The following BORCS5 variants were observed in gnomAD, a reference collection of about 807,000 sequenced individuals.
BORCS5 encodes the protein BLOC-1-related complex subunit 5.
A neutral mutation model predicts 22.1 loss-of-function variants in BORCS5; 17 were observed. That is an observed-to-expected ratio of 0.77 (90% CI 0.53 to 1.15). The LOEUF is 1.15. Among genes scored for constraint, BORCS5 ranks in the 50% most tolerant of loss-of-function variants. The pLI, the probability that BORCS5 is intolerant of heterozygous loss-of-function variation, is 0.00. For missense variants in BORCS5, 247 were observed against 253.2 expected (o/e 0.98, Z 0.17); for synonymous variants, 117 against 99.8 (o/e 1.17, Z -1.03).
intron 2 of BORCS5, among the ~76,000 whole-genome samples, chr12:12,423,781 C>G (rs1565898958): frequency 6.6e-6 from 1 of 152,102 alleles, no homozygotes; most frequent in Non-Finnish European, 1.5e-5. Context: ...CTCTGCATCC[C>G]AGGCTCAGAT....
chr12:12,414,264 A>C (rs1340736771), intron 2 of BORCS5, among the ~76,000 whole-genome samples: 1 of 48,548 alleles, frequency 2.1e-5, no homozygotes, highest in Non-Finnish European at 4.0e-5. Context: ...GGGGCTCCTC[A>C]CTTCCCAGTA....
intron 2 of BORCS5, among the ~76,000 whole-genome samples, chr12:12,403,800 A>G (rs1468109259): frequency 6.6e-6 from 1 of 152,202 alleles, no homozygotes; most frequent in African/African-American, 2.4e-5. Flanking sequence ...TGCCCTGGTC[A>G]GAGAACCAAG....
intron 2 of BORCS5, among the ~76,000 whole-genome samples, chr12:12,388,949 G>A (rs1863940890): frequency 6.6e-6 from 1 of 150,946 alleles, no homozygotes; most frequent in Admixed American, 6.6e-5. Context: ...ACAGTTCCGA[G>A]GCCTATTTAT....
chr12:12,405,525 T>G lies in BORCS5; in HGVS notation c.203-30103T>G, dbSNP rs564714778. 3.9e-5 allele frequency among the ~76,000 whole-genome samples: 6 copies of G among 152,348 alleles called. No homozygotes were observed. The South Asian group carries it at 1.2e-3, about 32-fold the overall frequency. ...TGATGATTATTTTTACTTTACTTAC[T>G]TAGTATAGGGGATTACCTGCCTTTT... On this transcript the variant is annotated intron_variant, in intron 2 of 3. Transcript: ENST00000314565.
At position 12,470,502 on chromosome 12, in the gene BORCS5, A is replaced by G. The variant is rs1943277457; in HGVS notation, c.*4726A>G. Among the ~76,000 whole-genome samples the G allele has an allele frequency of 6.6e-6, 1 of 152,116 alleles. No homozygotes were observed. The highest frequency in any genetic ancestry group is 6.5e-5 in the Admixed American group (1 of 15,276). ...TGTGAACTGCGCACGTGAAGGATCT[A>G]GGTTTTGCGCTCCTTATGAGAATCT... On this transcript the variant is annotated 3_prime_UTR_variant, in exon 4 of 4. Transcript: ENST00000314565.
At chr12:12,439,599 C>G (rs975441558) in intron 3 of BORCS5, among the ~76,000 whole-genome samples, 1 of 152,172 alleles carries the variant, frequency 6.6e-6, no homozygotes, top group African/African-American at 2.4e-5. Flanking sequence ...CCAGTCTGGG[C>G]TACAGAGCAA....
chr12:12,361,557 T>G (rs1863287563), intron 2 of BORCS5, among the ~76,000 whole-genome samples: 1 of 152,220 alleles, frequency 6.6e-6, no homozygotes, highest in Non-Finnish European at 1.5e-5. Flanking sequence ...CACTTAATTA[T>G]CATTGACCTA....
At chr12:12,406,017 A>G (rs1389024339) in intron 2 of BORCS5, among the ~76,000 whole-genome samples, 3 of 152,240 alleles carry the variant, frequency 2.0e-5, no homozygotes, top group Non-Finnish European at 2.9e-5. Context: ...ACGGCAAACA[A>G]TGCTGGCTGG....
At chr12:12,366,773 G>A (rs1247213036) in intron 2 of BORCS5, among the ~76,000 whole-genome samples, 3 of 152,152 alleles carry the variant, frequency 2.0e-5, no homozygotes, top group South Asian at 2.1e-4. Context: ...TATGGTTGGT[G>A]TTTTATATAT....
At chr12:12,364,842 C>T (rs1863370756) in intron 2 of BORCS5, among the ~76,000 whole-genome samples, 1 of 152,180 alleles carries the variant, frequency 6.6e-6, no homozygotes, top group Non-Finnish European at 1.5e-5. Flanking sequence ...TGGTGGGCAC[C>T]TGTAGTTCCA....
intron 3 of BORCS5, chr12:12,452,060 C>G (rs1268318572): frequency 7.1e-6 from 3 of 424,070 alleles, no homozygotes; most frequent in Non-Finnish European, 1.4e-5. Flanking sequence ...ACTTACGTGA[C>G]TTTCCCCCCT....
chr12:12,405,329 C>T (rs948868901), intron 2 of BORCS5, among the ~76,000 whole-genome samples: 1 of 152,188 alleles, frequency 6.6e-6, no homozygotes, highest in African/African-American at 2.4e-5. Context: ...GTTGCCAAAT[C>T]ATTGACACTA....
At chr12:12,391,706 C>T (rs1310048175) in intron 2 of BORCS5, among the ~76,000 whole-genome samples, 1 of 151,048 alleles carries the variant, frequency 6.6e-6, no homozygotes, top group Admixed American at 6.6e-5. Context: ...TCTTAACAGA[C>T]TGAAAAGATG....
intron 2 of BORCS5, among the ~76,000 whole-genome samples, chr12:12,391,075 A>C (rs1457950564): frequency 6.6e-6 from 1 of 151,930 alleles, no homozygotes; most frequent in Admixed American, 6.6e-5. Context: ...GTTCTCTTTT[A>C]AAGTATTGAT....
At chr12:12,417,497 C>T (rs1942000629) in intron 2 of BORCS5, among the ~76,000 whole-genome samples, 1 of 152,044 alleles carries the variant, frequency 6.6e-6, no homozygotes, top group African/African-American at 2.4e-5. Flanking sequence ...TGTTCAAGTC[C>T]TCTACTTTAT....
chr12:12,422,518 T>G (rs1487569256), intron 2 of BORCS5, among the ~76,000 whole-genome samples: 1 of 151,974 alleles, frequency 6.6e-6, no homozygotes, highest in African/African-American at 2.4e-5. Flanking sequence ...GAAGAATCGT[T>G]TGAACCCAGG....
At chr12:12,385,314 A>G (rs538518283) in intron 2 of BORCS5, among the ~76,000 whole-genome samples, 63 of 151,504 alleles carry the variant, frequency 4.2e-4, no homozygotes, top group Middle Eastern at 3.4e-3. Context: ...GAGATAGTCA[A>G]TTCTACTGAT....
rs533182168 is a variant in BORCS5, at chr12:12,397,024, C to CA, written c.202+35676dup. ...ACATGCACGCATGTGCACCCTCACA[C>CA]AGACAGCAGCACAAACCTGTGATTT... On this transcript the variant is annotated intron_variant, in intron 2 of 3. Transcript: ENST00000314565. 7.2e-4 allele frequency among the ~76,000 whole-genome samples: 109 copies of CA among 152,336 alleles called. No individual in the cohort carries two copies. In the East Asian group the frequency reaches 8.9e-3, roughly 12 times the overall value.
At chr12:12,365,696 G>A (rs1259945647) in intron 2 of BORCS5, among the ~76,000 whole-genome samples, 1 of 152,018 alleles carries the variant, frequency 6.6e-6, no homozygotes, top group Admixed American at 6.6e-5. Flanking sequence ...AGGCAAAGGG[G>A]GTGGAAATGA....
Sources: gnomAD v4.1 joint callset for allele counts (sites outside exome capture counted in the v4.1 genomes callset) on GRCh38, gnomAD v4.1.1 for gene constraint, MANE v1.5 for transcripts, NCBI Gene and HGNC (gene_info 2026-07-23, HGNC 2026-07-21) for gene names.